ZNRF1: variants seen among roughly 807,000 people sequenced by gnomAD.
The protein encoded by ZNRF1 is E3 ubiquitin-protein ligase ZNRF1.
A neutral mutation model predicts 18.4 loss-of-function variants in ZNRF1; 3 were observed. The ratio of observed to expected loss-of-function variants is 0.16; its 90% CI spans 0.07 to 0.42. ZNRF1 has a LOEUF of 0.42. ZNRF1 is among the 10% of genes least tolerant of loss of function. The pLI is 0.99. For missense variants in ZNRF1, 310 were observed against 329.8 expected (o/e 0.94, Z 0.47); for synonymous variants, 157 against 144.2 (o/e 1.09, Z -0.64).
chr16:75,029,052 A>C (rs972258775), intron 1 of ZNRF1, among the ~76,000 whole-genome samples: 1 of 145,988 alleles, frequency 6.8e-6, no homozygotes, highest in Non-Finnish European at 1.5e-5. Flanking sequence ...TGTATGCTAC[A>C]TGTCCAGCTT....
intron 1 of ZNRF1, among the ~76,000 whole-genome samples, chr16:75,046,053 C>G (rs1296900039): frequency 6.6e-6 from 1 of 151,566 alleles, no homozygotes; most frequent in Non-Finnish European, 1.5e-5. Context: ...CAGGCACGCA[C>G]CACCATGCCT....
intron 1 of ZNRF1, among the ~76,000 whole-genome samples, chr16:75,052,180 C>T (rs1200387002): frequency 6.6e-6 from 1 of 152,120 alleles, no homozygotes; most frequent in East Asian, 1.9e-4. Flanking sequence ...TGGAGGATTG[C>T]TTGAACCCAG....
At chr16:75,045,618 G>A (rs934181156) in intron 1 of ZNRF1, among the ~76,000 whole-genome samples, 2 of 152,042 alleles carry the variant, frequency 1.3e-5, no homozygotes, top group Admixed American at 1.3e-4. Context: ...TGCCCAGGCT[G>A]GCCTCCTGCC....
At chr16:75,037,713 A>C (rs2145357722) in intron 1 of ZNRF1, among the ~76,000 whole-genome samples, 1 of 152,100 alleles carries the variant, frequency 6.6e-6, no homozygotes, top group East Asian at 1.9e-4. Flanking sequence ...CATCTCCTTT[A>C]ACATTGTAAA....
At position 75,010,701 on chromosome 16, in the gene ZNRF1, G is replaced by GTTTT. The variant is rs1334552920; in HGVS notation, c.424+10612_424+10615dup. On this transcript the variant is annotated intron_variant, in intron 1 of 4. Coordinates refer to ENST00000335325, the MANE Select transcript of ZNRF1 (RefSeq NM_032268.5). ...AAATTAGTCACCTCTGTACTGTACT[G>GTTTT]TTTTTTTTTGTTTTTTTGTTTTTTT... Among the ~76,000 whole-genome samples, 102 of 63,756 alleles carry GTTTT rather than the reference G, an allele frequency of 1.6e-3. 1 individual carries two copies. Among genetic ancestry groups the GTTTT allele is most frequent in the East Asian group, 6.2e-3 (4 of 646 alleles). 41.8% of individuals were successfully genotyped at this position (63,756 alleles called of 152,430 possible).
intron 1 of ZNRF1, among the ~76,000 whole-genome samples, chr16:75,023,082 T>G (rs1482193607): frequency 6.6e-6 from 1 of 152,168 alleles, no homozygotes; most frequent in Non-Finnish European, 1.5e-5. Context: ...ATTTCTACAT[T>G]GATTTTATGC....
chr16:75,092,225 A>G (rs761949968), intron 1 of ZNRF1, among the ~76,000 whole-genome samples: 4 of 152,228 alleles, frequency 2.6e-5, no homozygotes, highest in African/African-American at 4.8e-5. Flanking sequence ...GTGGATCGTC[A>G]TAAAGGTCTT....
At chr16:75,034,365 C>T (rs549783526) in intron 1 of ZNRF1, among the ~76,000 whole-genome samples, 2 of 152,168 alleles carry the variant, frequency 1.3e-5, no homozygotes, top group South Asian at 2.1e-4. Flanking sequence ...CTCTTAATAA[C>T]TCATATAAGC....
chr16:75,058,171 C>G (rs1193289438), intron 1 of ZNRF1, among the ~76,000 whole-genome samples: 2 of 148,218 alleles, frequency 1.3e-5, no homozygotes, highest in South Asian at 2.1e-4. Flanking sequence ...GGTGGTCTCA[C>G]TATGTTGTCC....
intron 1 of ZNRF1, among the ~76,000 whole-genome samples, chr16:75,064,891 C>A (rs1385795021): frequency 6.6e-6 from 1 of 152,238 alleles, no homozygotes; most frequent in African/African-American, 2.4e-5. Context: ...AGCTCACCCT[C>A]CTGCTCCCTC....
chr16:75,101,026 C>T (rs142288087), intron 2 of ZNRF1, among the ~76,000 whole-genome samples: 144 of 152,302 alleles, frequency 9.5e-4, no homozygotes, highest in African/African-American at 3.3e-3. Flanking sequence ...CTCTGCCTCC[C>T]GGGTTCAAAT....
chr16:75,045,716 CTTTTTTTT>C (rs895489865), intron 1 of ZNRF1, among the ~76,000 whole-genome samples: 4 of 130,374 alleles, frequency 3.1e-5, no homozygotes, highest in South Asian at 2.5e-4. Context: ...TCTTCTTCGT[CTTTTTTTT>C]TTTTTTTTTT....
At chr16:75,045,593 A>G (rs900060261) in intron 1 of ZNRF1, among the ~76,000 whole-genome samples, 6 of 152,014 alleles carry the variant, frequency 3.9e-5, no homozygotes, top group Admixed American at 2.0e-4. Flanking sequence ...TTTAAGAGAC[A>G]GGGTCTTGCT....
At chr16:75,099,545 G>A (rs1284082559) in intron 2 of ZNRF1, among the ~76,000 whole-genome samples, 1 of 152,228 alleles carries the variant, frequency 6.6e-6, no homozygotes, top group Non-Finnish European at 1.5e-5. Context: ...CCCTTGGGCA[G>A]TGACATTGGC....
intron 2 of ZNRF1, among the ~76,000 whole-genome samples, chr16:75,099,778 G>T (rs879022447): frequency 2.0e-5 from 3 of 152,148 alleles, no homozygotes. Context: ...CGAGGCCCCC[G>T]CCATGGCTTT....
intron 1 of ZNRF1, among the ~76,000 whole-genome samples, chr16:75,086,748 G>A (rs2036079363): frequency 6.6e-6 from 1 of 152,306 alleles, no homozygotes; most frequent in East Asian, 1.9e-4. Context: ...TGAATGCTAA[G>A]GGCAAAGTCA....
intron 1 of ZNRF1, among the ~76,000 whole-genome samples, chr16:75,039,573 T>C (rs1203420991): frequency 6.6e-6 from 1 of 152,218 alleles, no homozygotes; most frequent in Admixed American, 6.5e-5. Flanking sequence ...AGGTACAGAT[T>C]CCCAGGTTCC....
At chr16:75,053,881 C>A (rs2035637362) in intron 1 of ZNRF1, among the ~76,000 whole-genome samples, 1 of 152,174 alleles carries the variant, frequency 6.6e-6, no homozygotes, top group Non-Finnish European at 1.5e-5. Context: ...ACTCCCTGTT[C>A]AGGTCACCTC....
chr16:75,043,560 A>G (rs941104043), intron 1 of ZNRF1, among the ~76,000 whole-genome samples: 1 of 152,166 alleles, frequency 6.6e-6, no homozygotes, highest in Non-Finnish European at 1.5e-5. Flanking sequence ...TAACTATAAT[A>G]TATGCAAGGA....
Sources: gnomAD v4.1 joint callset for allele counts (sites outside exome capture counted in the v4.1 genomes callset) on GRCh38, gnomAD v4.1.1 for gene constraint, MANE v1.5 for transcripts, NCBI Gene and HGNC (gene_info 2026-07-23, HGNC 2026-07-21) for gene names.